SUMF1: variants seen among roughly 807,000 people sequenced by gnomAD.
The protein encoded by SUMF1 is sulfatase modifying factor 1.
A neutral mutation model predicts 47.6 loss-of-function variants in SUMF1; 48 were observed. The observed-to-expected ratio is 1.01, with a 90% CI of 0.80 to 1.28. The LOEUF (loss-of-function observed/expected upper bound fraction) is 1.28. SUMF1 is among the 50% of genes most tolerant of loss of function. The pLI is 0.00. For synonymous variants in SUMF1, 230 were observed against 192.1 expected, an observed-to-expected ratio of 1.20 and a Z score of -1.63; for missense variants, 571 against 485.4, an observed-to-expected ratio of 1.18 and a Z score of -1.66.
chr3:4,185,244 C>G (rs1695176967), intron 8 of SUMF1, among the ~76,000 whole-genome samples: 2 of 152,114 alleles, frequency 1.3e-5, no homozygotes, highest in Admixed American at 1.3e-4. Flanking sequence ...GATTGAACAT[C>G]ATATATAATC....
At chr3:4,434,418 A>G (rs779552490) in intron 3 of SUMF1, among the ~76,000 whole-genome samples, 6 of 152,252 alleles carry the variant, frequency 3.9e-5, no homozygotes, top group Non-Finnish European at 8.8e-5. Flanking sequence ...ATCTTTTCAA[A>G]ACATCATTGT....
chr3:4,412,566 G>A (rs778101137), intron 6 of SUMF1, among the ~76,000 whole-genome samples: 3 of 152,144 alleles, frequency 2.0e-5, no homozygotes, highest in African/African-American at 7.2e-5. Context: ...ACAAGGAAAG[G>A]AGCCAGAGGA....
At chr3:4,370,239 C>G (rs569419933) in intron 8 of SUMF1, among the ~76,000 whole-genome samples, 7 of 152,282 alleles carry the variant, frequency 4.6e-5, no homozygotes, top group African/African-American at 1.7e-4. Flanking sequence ...ATGACTGGCA[C>G]AAAGGTGGTT....
At chr3:4,162,123 T>G (rs1249935664) in intron 8 of SUMF1, among the ~76,000 whole-genome samples, 1 of 151,914 alleles carries the variant, frequency 6.6e-6, no homozygotes, top group Admixed American at 6.6e-5. Flanking sequence ...GGGCCTGGAA[T>G]GGGGGCCTCA....
intron 8 of SUMF1, among the ~76,000 whole-genome samples, chr3:4,290,746 C>T (rs310728): frequency 0.14 from 21,455 of 152,092 alleles, 1,903 homozygotes; most frequent in South Asian, 0.36. Flanking sequence ...ATCTCCCCTG[C>T]TAGACTGTAG....
chr3:4,303,830 G>A (rs1357203812), intron 8 of SUMF1: 2 of 1,357,546 alleles, frequency 1.5e-6, no homozygotes, highest in South Asian at 1.2e-5. Context: ...CATCACGGGG[G>A]GAGTCATTTA....
intron 1 of SUMF1, among the ~76,000 whole-genome samples, chr3:4,464,276 CTT>C (rs10580690): frequency 0.35 from 51,438 of 148,732 alleles, 8,834 homozygotes; most frequent in Non-Finnish European, 0.38. Flanking sequence ...CAAATGTGGC[CTT>C]TTTTTTTTTG....
chr3:4,203,976 C>T (rs1250471335), intron 8 of SUMF1, among the ~76,000 whole-genome samples: 1 of 151,818 alleles, frequency 6.6e-6, no homozygotes, highest in Non-Finnish European at 1.5e-5. Flanking sequence ...TTGATAAGTC[C>T]ATCCTTTAGT....
chr3:4,261,416 A>G (rs1697082776), intron 8 of SUMF1, among the ~76,000 whole-genome samples: 1 of 152,218 alleles, frequency 6.6e-6, no homozygotes, highest in Non-Finnish European at 1.5e-5. Flanking sequence ...ACTTTTACTT[A>G]AATGTCTGCC....
intron 8 of SUMF1, among the ~76,000 whole-genome samples, chr3:4,194,823 A>G (rs1214029423): frequency 6.6e-6 from 1 of 152,180 alleles, no homozygotes; most frequent in Non-Finnish European, 1.5e-5. Flanking sequence ...CATATAATAC[A>G]GAATTTCGAA....
chr3:4,259,169 C>T (rs1259688307), intron 8 of SUMF1, among the ~76,000 whole-genome samples: 13 of 150,190 alleles, frequency 8.7e-5, no homozygotes, highest in East Asian at 5.9e-4. Flanking sequence ...TGCTAGATGA[C>T]GAGTTAGTGG....
intron 8 of SUMF1, among the ~76,000 whole-genome samples, chr3:4,372,976 G>A (rs80328655): frequency 0.028 from 4,270 of 152,240 alleles, 200 homozygotes; most frequent in African/African-American, 0.096. Flanking sequence ...GGAAAATCCT[G>A]TGGATCCCAC....
intron 8 of SUMF1, among the ~76,000 whole-genome samples, chr3:4,185,798 T>C (rs1227403836): frequency 6.6e-6 from 1 of 152,164 alleles, no homozygotes; most frequent in Non-Finnish European, 1.5e-5. Context: ...CAGACACATG[T>C]GAATTACTGG....
chr3:4,262,634 T>C (rs1258229761), intron 8 of SUMF1, among the ~76,000 whole-genome samples: 1 of 152,158 alleles, frequency 6.6e-6, no homozygotes, highest in Admixed American at 6.5e-5. Flanking sequence ...CTTTACATTC[T>C]ATTTTCTCAG....
chr3:4,237,542 C>T (rs1696436948), intron 8 of SUMF1, among the ~76,000 whole-genome samples: 1 of 152,022 alleles, frequency 6.6e-6, no homozygotes, highest in African/African-American at 2.4e-5. Context: ...CTTTATCATA[C>T]ATGTCTTTTG....
At chr3:4,418,187 G>A (rs1044549929) in intron 4 of SUMF1, 55 bp from the exon 5 acceptor site, 30 of 1,611,840 alleles carry the variant, frequency 1.9e-5, no homozygotes, top group Non-Finnish European at 2.0e-5. Context: ...CAAGAAGCAG[G>A]AGCTGGCTTC....
At chr3:4,453,186 A>G (rs1280929003) in intron 1 of SUMF1, 137 bp from the exon 2 acceptor site, 2 of 847,072 alleles carry the variant, frequency 2.4e-6, no homozygotes, top group East Asian at 2.7e-5. Flanking sequence ...ATTCGGAAAA[A>G]TCTCTCTATA....
intron 8 of SUMF1, among the ~76,000 whole-genome samples, chr3:4,079,517 A>G (rs1353373609): frequency 6.6e-6 from 1 of 151,884 alleles, no homozygotes; most frequent in Admixed American, 6.6e-5. Flanking sequence ...CTCTGGGGTT[A>G]GATTTCCTAG....
chr3:4,048,683 C>G (rs1695049999), intron 9 of SUMF1, among the ~76,000 whole-genome samples: 1 of 152,082 alleles, frequency 6.6e-6, no homozygotes, highest in African/African-American at 2.4e-5. Context: ...TCTTTTTGCT[C>G]TACAAAATCC....
Sources: allele counts gnomAD v4.1 joint callset (sites outside exome capture counted in the v4.1 genomes callset), GRCh38; gene constraint gnomAD v4.1.1; transcripts MANE v1.5; gene names NCBI Gene and HGNC (gene_info 2026-07-23, HGNC 2026-07-21).